JARID2: variants seen among roughly 807,000 people sequenced by gnomAD.
The protein encoded by JARID2 is protein Jumonji.
In JARID2, 21 loss-of-function variants were observed where a neutral mutation model predicts 125.6. That is an observed-to-expected ratio of 0.17 (90% CI 0.12 to 0.24). JARID2 has a LOEUF of 0.24. Ranked by LOEUF, JARID2 falls within the 10% of genes least tolerant of loss-of-function variation. The probability of loss-of-function intolerance (pLI) is 1.00; values close to 1 mark genes in which losing one functional copy is unlikely to be tolerated. For synonymous variants in JARID2, 736 were observed against 661.6 expected, an observed-to-expected ratio of 1.11 and a Z score of -1.73; for missense variants, 1,303 against 1,639.6, an observed-to-expected ratio of 0.79 and a Z score of 3.55.
chr6:15,519,594 G>A (rs543672659), intron 17 of JARID2, among the ~76,000 whole-genome samples: 8 of 152,324 alleles, frequency 5.3e-5, no homozygotes, highest in Admixed American at 1.3e-4. Flanking sequence ...TTTTGGTGCC[G>A]ACAGATAAAT....
At chr6:15,271,732 G>C (rs1760304707) in intron 1 of JARID2, among the ~76,000 whole-genome samples, 2 of 152,230 alleles carry the variant, frequency 1.3e-5, no homozygotes, top group Non-Finnish European at 2.9e-5. Flanking sequence ...AAGCACAGTG[G>C]CTCATGCCTG....
intron 1 of JARID2, among the ~76,000 whole-genome samples, chr6:15,349,398 G>A (rs1763352132): frequency 6.6e-6 from 1 of 152,126 alleles, no homozygotes. Context: ...GGGCCTAACT[G>A]GAGTAGCCAG....
At chr6:15,256,880 C>A (rs1040835174) in intron 1 of JARID2, among the ~76,000 whole-genome samples, 1 of 152,204 alleles carries the variant, frequency 6.6e-6, no homozygotes, top group Non-Finnish European at 1.5e-5. Flanking sequence ...AGTATACATT[C>A]TAGGAATATT....
intron 16 of JARID2, among the ~76,000 whole-genome samples, chr6:15,516,692 G>C (rs1309506388): frequency 6.6e-6 from 1 of 152,206 alleles, no homozygotes; most frequent in Non-Finnish European, 1.5e-5. Context: ...GAAAGTCAAG[G>C]GTGCGTTCCC....
Position 15,494,447 on chromosome 6 carries a change from C to T in JARID2, c.907-1685C>T, listed in dbSNP as rs112102891. On this transcript the variant is annotated intron_variant, in intron 6 of 17. Coordinates refer to ENST00000341776, the MANE Select transcript of JARID2 (RefSeq NM_004973.4). ...TTTTTTTTTTTTGAGACAAGAGTCTCGCCCAGGCTGGAGTGCAGTGGCATG... is the reference window on the plus strand; with the variant it reads ...TTTTTTTTTTTTGAGACAAGAGTCTTGCCCAGGCTGGAGTGCAGTGGCATG... Among the ~76,000 whole-genome samples the T allele has an allele frequency of 1.4e-3, 130 of 90,912 alleles. 1 individual carries two copies. Among genetic ancestry groups the T allele is most frequent in the Non-Finnish European group, 2.2e-3 (106 of 47,570 alleles). 59.6% of individuals were successfully genotyped at this position (90,912 alleles called of 152,430 possible).
chr6:15,292,168 C>G (rs550044757), intron 1 of JARID2, among the ~76,000 whole-genome samples: 1 of 152,042 alleles, frequency 6.6e-6, no homozygotes, highest in South Asian at 2.1e-4. Flanking sequence ...AGACGCCCGC[C>G]ACCTCGCCCG....
At chr6:15,285,131 A>C (rs1390875955) in intron 1 of JARID2, among the ~76,000 whole-genome samples, 2 of 132,474 alleles carry the variant, frequency 1.5e-5, no homozygotes, top group African/African-American at 3.6e-5. Flanking sequence ...TTTTTTTGAA[A>C]GGAAGTCTTG....
chr6:15,304,316 C>G (rs998875706), intron 1 of JARID2, among the ~76,000 whole-genome samples: 2 of 87,910 alleles, frequency 2.3e-5, no homozygotes, highest in Admixed American at 1.0e-4. Context: ...CCCCCCCCCC[C>G]CCGCCCACCC....
At chr6:15,456,906 T>G (rs1768206443) in intron 4 of JARID2, among the ~76,000 whole-genome samples, 1 of 100,202 alleles carries the variant, frequency 1.0e-5, no homozygotes, top group African/African-American at 3.7e-5. Context: ...TTTACAATCA[T>G]AAAAGTAGTT....
At chr6:15,463,016 C>T (rs975310241) in intron 4 of JARID2, among the ~76,000 whole-genome samples, 4 of 152,194 alleles carry the variant, frequency 2.6e-5, no homozygotes, top group South Asian at 4.1e-4. Flanking sequence ...TAATGAAATA[C>T]GGCTTTGGCA....
At chr6:15,478,554 C>T (rs945255833) in intron 5 of JARID2, among the ~76,000 whole-genome samples, 3 of 151,884 alleles carry the variant, frequency 2.0e-5, no homozygotes, top group African/African-American at 4.8e-5. Flanking sequence ...GTTTCTCTCT[C>T]GGTGTGTAGT....
chr6:15,413,631 G>C (rs1189848670), intron 3 of JARID2, among the ~76,000 whole-genome samples: 1 of 152,084 alleles, frequency 6.6e-6, no homozygotes. Context: ...TAAAGAGATG[G>C]GATCTGGCTT....
intron 1 of JARID2, among the ~76,000 whole-genome samples, chr6:15,320,852 C>G (rs71533645): frequency 0.17 from 24,437 of 144,900 alleles, 2,117 homozygotes; most frequent in East Asian, 0.38. Context: ...CTCTCTCTCT[C>G]TGTGTGTGTG....
intron 1 of JARID2, among the ~76,000 whole-genome samples, chr6:15,337,180 C>G (rs2127463242): frequency 6.6e-6 from 1 of 152,260 alleles, no homozygotes; most frequent in East Asian, 1.9e-4. Context: ...CGATCAAAAC[C>G]CCCAGACCTT....
At chr6:15,482,983 A>G (rs1012543662) in intron 5 of JARID2, among the ~76,000 whole-genome samples, 2 of 152,222 alleles carry the variant, frequency 1.3e-5, no homozygotes, top group African/African-American at 4.8e-5. Context: ...ATGATGGCAG[A>G]TACTGGTTTT....
intron 4 of JARID2, among the ~76,000 whole-genome samples, chr6:15,468,088 A>AATG (rs1768827823): frequency 6.6e-6 from 1 of 152,056 alleles, no homozygotes; most frequent in Non-Finnish European, 1.5e-5. Context: ...CACCATAAGG[A>AATG]ATGAATATTC....
At chr6:15,381,576 T>C (rs1298307867) in intron 2 of JARID2, among the ~76,000 whole-genome samples, 1 of 152,192 alleles carries the variant, frequency 6.6e-6, no homozygotes, top group Non-Finnish European at 1.5e-5. Context: ...TTCAATGTTG[T>C]TGAAAACAAC....
chr6:15,295,472 T>A (rs1761379975), intron 1 of JARID2, among the ~76,000 whole-genome samples: 1 of 152,034 alleles, frequency 6.6e-6, no homozygotes, highest in Non-Finnish European at 1.5e-5. Context: ...ATTTGTGGAG[T>A]AAAGCATTTT....
intron 8 of JARID2, among the ~76,000 whole-genome samples, chr6:15,501,934 T>A (rs1376064005): frequency 1.3e-5 from 2 of 152,208 alleles, no homozygotes; most frequent in African/African-American, 4.8e-5. Context: ...CCAGCTGAAC[T>A]TCTCACTGGC....
Sources: gnomAD v4.1 joint callset for allele counts (sites outside exome capture counted in the v4.1 genomes callset) on GRCh38, gnomAD v4.1.1 for gene constraint, MANE v1.5 for transcripts, NCBI Gene and HGNC (gene_info 2026-07-23, HGNC 2026-07-21) for gene names.